The following RBMS1 variants were observed in gnomAD, a reference collection of about 807,000 sequenced individuals.
The protein encoded by RBMS1 is RNA binding motif single stranded interacting protein 1.
A neutral mutation model predicts 62.3 loss-of-function variants in RBMS1; 17 were observed. That is an observed-to-expected ratio of 0.27 (90% CI 0.19 to 0.41). The LOEUF is 0.41. RBMS1 is among the 10% of genes least tolerant of loss of function. The pLI, the probability that RBMS1 is intolerant of heterozygous loss-of-function variation, is 1.00. For missense variants in RBMS1, 334 were observed against 504.5 expected, an observed-to-expected ratio of 0.66 and a Z score of 3.24; for synonymous variants, 172 against 170.0, an observed-to-expected ratio of 1.01 and a Z score of -0.09.
At chr2:160,449,562 C>T (rs1258294786) in intron 1 of RBMS1, among the ~76,000 whole-genome samples, 2 of 152,154 alleles carry the variant, frequency 1.3e-5, no homozygotes, top group Non-Finnish European at 2.9e-5. Flanking sequence ...GTGCTGTGTC[C>T]ACTCAGGGTT....
At chr2:160,305,677 A>T (rs1465295378) in intron 4 of RBMS1, among the ~76,000 whole-genome samples, 1 of 152,196 alleles carries the variant, frequency 6.6e-6, no homozygotes, top group African/African-American at 2.4e-5. Context: ...CTTGAAAAAT[A>T]GGGCGGTTTT....
At chr2:160,352,237 A>AC (rs1692557276) in intron 2 of RBMS1, among the ~76,000 whole-genome samples, 1 of 151,946 alleles carries the variant, frequency 6.6e-6, no homozygotes. Flanking sequence ...TAAAAGCCAT[A>AC]CTCTATGTGC....
At chr2:160,312,060 A>C (rs1689954170) in intron 4 of RBMS1, among the ~76,000 whole-genome samples, 1 of 152,208 alleles carries the variant, frequency 6.6e-6, no homozygotes, top group Non-Finnish European at 1.5e-5. Context: ...TCTTTTAATA[A>C]AAAGGCCATG....
chr2:160,489,045 C>T (rs1685717847), intron 1 of RBMS1, among the ~76,000 whole-genome samples: 3 of 152,320 alleles, frequency 2.0e-5, no homozygotes, highest in African/African-American at 7.2e-5. Flanking sequence ...TACTAAATGA[C>T]TGAATACTTT....
At chr2:160,413,642 T>C (rs903832320) in intron 1 of RBMS1, among the ~76,000 whole-genome samples, 18 of 152,284 alleles carry the variant, frequency 1.2e-4, no homozygotes, top group Admixed American at 5.9e-4. Context: ...CCAGAAGCCA[T>C]AGTCTGATTA....
intron 2 of RBMS1, among the ~76,000 whole-genome samples, chr2:160,366,183 C>A (rs925091149): frequency 6.6e-6 from 1 of 152,202 alleles, no homozygotes; most frequent in African/African-American, 2.4e-5. Flanking sequence ...CTCCTTCCCC[C>A]ACCCATGGAA....
intron 1 of RBMS1, among the ~76,000 whole-genome samples, chr2:160,391,507 G>C (rs546602381): frequency 6.6e-6 from 1 of 152,068 alleles, no homozygotes; most frequent in African/African-American, 2.4e-5. Context: ...CAGGTGCTTC[G>C]GTAGTCTGCT....
At chr2:160,394,531 T>C (rs903615096) in intron 1 of RBMS1, among the ~76,000 whole-genome samples, 7 of 152,240 alleles carry the variant, frequency 4.6e-5, no homozygotes, top group African/African-American at 1.4e-4. Flanking sequence ...TCAAGTCAGC[T>C]TTCTTGACTT....
At chr2:160,446,083 T>C (rs571283107) in intron 1 of RBMS1, among the ~76,000 whole-genome samples, 2 of 152,214 alleles carry the variant, frequency 1.3e-5, no homozygotes, top group Non-Finnish European at 2.9e-5. Context: ...TGAAAGTTTT[T>C]CAACCTTATA....
chr2:160,285,854 G>C (rs1342680991), intron 7 of RBMS1, among the ~76,000 whole-genome samples: 1 of 152,166 alleles, frequency 6.6e-6, no homozygotes, highest in East Asian at 1.9e-4. Flanking sequence ...GTTCACGCCT[G>C]TAATCCCAGC....
intron 1 of RBMS1, among the ~76,000 whole-genome samples, chr2:160,412,573 G>C (rs769857330): frequency 1.3e-5 from 2 of 152,188 alleles, no homozygotes; most frequent in Non-Finnish European, 2.9e-5. Context: ...TCCTAGGTGA[G>C]TACTTGTAAA....
chr2:160,285,065 TATAAAC>T (rs1688303157), intron 7 of RBMS1, 21 bp from the exon 8 acceptor site: 5 of 1,604,018 alleles, frequency 3.1e-6, no homozygotes, highest in Non-Finnish European at 4.3e-6. Flanking sequence ...GAGAAAGAAA[TATAAAC>T]ATTCATCTAG....
Position 160,277,662 on chromosome 2 carries a change from T to C in RBMS1, c.1063-279A>G, listed in dbSNP as rs1687907361. The C allele has an allele frequency of 3.1e-5, 10 of 318,316 alleles. 1 individual carries two copies. The South Asian group carries it at 4.8e-4, about 15-fold the overall frequency. 19.7% of individuals were successfully genotyped at this position (318,316 alleles called of 1,614,324 possible). A position where few individuals can be genotyped will look rare whatever the true frequency, so the allele number is the denominator to read the frequency against. ...TTATTATGGGTGAAGATAAAAAAGT[T>C]TGTCACTCTCAATAATTCAGTATCA... On this transcript the variant is annotated intron_variant, in intron 11 of 13. Transcript: ENST00000348849.
intron 2 of RBMS1, among the ~76,000 whole-genome samples, chr2:160,320,371 G>A (rs1346367486): frequency 6.6e-6 from 1 of 152,164 alleles, no homozygotes; most frequent in East Asian, 1.9e-4. Flanking sequence ...TACTTAGGAG[G>A]CTGAGGTGGG....
At chr2:160,385,623 GA>G (rs1012410381) in intron 1 of RBMS1, among the ~76,000 whole-genome samples, 34 of 152,154 alleles carry the variant, frequency 2.2e-4, no homozygotes, top group African/African-American at 8.2e-4. Context: ...AAACTTCCAG[GA>G]TGTGACGTGA....
chr2:160,342,698 G>GT (rs1559412082), intron 2 of RBMS1, among the ~76,000 whole-genome samples: 1 of 150,286 alleles, frequency 6.7e-6, no homozygotes, highest in African/African-American at 2.5e-5. Flanking sequence ...GGCGGATCAC[G>GT]TGAGGTCAGG....
chr2:160,350,161 G>GT (rs1559424040), intron 2 of RBMS1, among the ~76,000 whole-genome samples: 2 of 151,830 alleles, frequency 1.3e-5, no homozygotes, highest in Non-Finnish European at 2.9e-5. Context: ...TGTAGCCATC[G>GT]TAAGACAGCC....
chr2:160,459,796 T>C (rs2105330449), intron 1 of RBMS1, among the ~76,000 whole-genome samples: 1 of 152,332 alleles, frequency 6.6e-6, no homozygotes, highest in Admixed American at 6.5e-5. Flanking sequence ...ACTAAATAGA[T>C]GATCTAAGGT....
intron 1 of RBMS1, among the ~76,000 whole-genome samples, chr2:160,420,577 C>T (rs928916134): frequency 1.3e-5 from 2 of 152,030 alleles, no homozygotes; most frequent in African/African-American, 2.4e-5. Context: ...ATGCAGCCTG[C>T]GACAGTCAGC....
Sources: allele counts gnomAD v4.1 joint callset (sites outside exome capture counted in the v4.1 genomes callset), GRCh38; gene constraint gnomAD v4.1.1; transcripts MANE v1.5; gene names NCBI Gene and HGNC (gene_info 2026-07-23, HGNC 2026-07-21).